CSMD3: variants seen among roughly 807,000 people sequenced by gnomAD.
The protein encoded by CSMD3 is CUB and Sushi multiple domains 3.
Under a neutral mutation model 435.2 loss-of-function variants are expected in CSMD3, and 177 were observed. The observed-to-expected ratio is 0.41, with a 90% CI of 0.36 to 0.46. CSMD3 has a LOEUF of 0.46. Among genes scored for constraint, CSMD3 ranks in the 20% least tolerant of loss-of-function variants. The probability of loss-of-function intolerance (pLI) is 0.34; values close to 1 mark genes in which losing one functional copy is unlikely to be tolerated. For missense variants in CSMD3, 4,265 were observed against 4,504.6 expected, an observed-to-expected ratio of 0.95 and a Z score of 1.52; for synonymous variants, 1,656 against 1,520.5, an observed-to-expected ratio of 1.09 and a Z score of -2.07.
chr8:112,913,447 T>A (rs2082484477), intron 10 of CSMD3, among the ~76,000 whole-genome samples: 1 of 151,936 alleles, frequency 6.6e-6, no homozygotes, highest in Non-Finnish European at 1.5e-5. Flanking sequence ...TTCCTTACAG[T>A]CCACAGACCA....
intron 1 of CSMD3, among the ~76,000 whole-genome samples, chr8:113,425,037 C>G (rs942515172): frequency 6.6e-6 from 1 of 151,456 alleles, no homozygotes; most frequent in African/African-American, 2.4e-5. Flanking sequence ...AGAGCTTCAT[C>G]CCTATATTCT....
In CSMD3 at chr8:112,943,937, G is replaced by A. The variant is rs186669190; in HGVS notation, c.1508+3853C>T. Among the ~76,000 whole-genome samples, 179 of 151,630 alleles carry A rather than the reference G, an allele frequency of 1.2e-3. 1 individual carries two copies. Among genetic ancestry groups the A allele is most frequent in the African/African-American group, 4.2e-3 (175 of 41,462 alleles). ...TTACTAGCAAGTTCCCAAATGCACT[G>A]AGTTTATCATACTTTTGCACAATCC... is the stretch of plus-strand genomic sequence containing the variant. On this transcript the variant is annotated intron_variant, in intron 9 of 70. Coordinates refer to ENST00000297405, the MANE Select transcript of CSMD3 (RefSeq NM_198123.2).
intron 7 of CSMD3, among the ~76,000 whole-genome samples, chr8:112,970,715 G>C (rs936547119): frequency 6.7e-5 from 10 of 148,966 alleles, no homozygotes; most frequent in Admixed American, 5.3e-4. Context: ...AATTCAGCTT[G>C]CTTTCTTTTC....
At chr8:112,526,450 A>T (rs1471619192) in intron 27 of CSMD3, among the ~76,000 whole-genome samples, 1 of 151,950 alleles carries the variant, frequency 6.6e-6, no homozygotes, top group Admixed American at 6.6e-5. Flanking sequence ...CACACCACTT[A>T]GTTCAATTAT....
At chr8:112,416,603 T>A (rs562795008) in intron 32 of CSMD3, among the ~76,000 whole-genome samples, 179 of 152,304 alleles carry the variant, frequency 1.2e-3, no homozygotes, top group Admixed American at 4.0e-3. Context: ...TATATAGAGG[T>A]TCACTGATTT....
chr8:112,674,539 T>C (rs2075730297), intron 16 of CSMD3, among the ~76,000 whole-genome samples: 1 of 152,140 alleles, frequency 6.6e-6, no homozygotes, highest in Non-Finnish European at 1.5e-5. Flanking sequence ...GCACACCCTA[T>C]AACTCTGTTG....
chr8:112,660,091 C>A (rs540520784), intron 17 of CSMD3, among the ~76,000 whole-genome samples: 3 of 152,178 alleles, frequency 2.0e-5, no homozygotes, highest in African/African-American at 7.2e-5. Flanking sequence ...GAACCAGCTT[C>A]TTCAAGAATA....
chr8:112,517,916 T>G (rs537792801), intron 27 of CSMD3, among the ~76,000 whole-genome samples: 1 of 152,218 alleles, frequency 6.6e-6, no homozygotes, highest in South Asian at 2.1e-4. Context: ...CTCTTGAACA[T>G]TTATCCAAAA....
intron 28 of CSMD3, among the ~76,000 whole-genome samples, chr8:112,508,199 T>C (rs546788454): frequency 1.3e-5 from 2 of 152,112 alleles, no homozygotes; most frequent in African/African-American, 4.8e-5. Flanking sequence ...CACGCTCAGG[T>C]TTCTTTCATC....
chr8:113,414,924 C>T (rs1185410909), intron 1 of CSMD3, among the ~76,000 whole-genome samples: 4 of 152,078 alleles, frequency 2.6e-5, no homozygotes, highest in Non-Finnish European at 5.9e-5. Context: ...TGAGATTGTG[C>T]CACTGCGCTC....
At chr8:112,680,165 G>A (rs1296215755) in intron 16 of CSMD3, among the ~76,000 whole-genome samples, 1 of 152,138 alleles carries the variant, frequency 6.6e-6, no homozygotes, top group Non-Finnish European at 1.5e-5. Context: ...GACCAGCCTG[G>A]CCAACATGGT....
intron 5 of CSMD3, among the ~76,000 whole-genome samples, chr8:113,080,367 C>T (rs560063748): frequency 1.3e-5 from 2 of 152,248 alleles, no homozygotes; most frequent in South Asian, 2.1e-4. Flanking sequence ...GATGTAACTA[C>T]TGAAGCTATG....
intron 22 of CSMD3, among the ~76,000 whole-genome samples, chr8:112,631,868 T>G (rs1366112062): frequency 6.6e-6 from 1 of 151,930 alleles, no homozygotes; most frequent in Non-Finnish European, 1.5e-5. Flanking sequence ...ATATAGAAAA[T>G]TAAGGCATTT....
intron 9 of CSMD3, among the ~76,000 whole-genome samples, chr8:112,931,836 T>C (rs2083119195): frequency 6.6e-6 from 1 of 152,102 alleles, no homozygotes; most frequent in African/African-American, 2.4e-5. Flanking sequence ...CAAACACGTA[T>C]ATGAAAAATG....
chr8:113,000,780 AATGTCAACTATGACTCCAGCTTAG>A (rs1338877244), intron 6 of CSMD3, among the ~76,000 whole-genome samples: 1 of 151,966 alleles, frequency 6.6e-6, no homozygotes, highest in East Asian at 1.9e-4. Context: ...TTCTGGGCTA[AATGTCAACTATGACTCCAGCTTAG>A]AACTTCTCAT....
intron 32 of CSMD3, among the ~76,000 whole-genome samples, chr8:112,431,366 TATAAAAAATAGGTG>T (rs907297754): frequency 3.0e-4 from 45 of 152,246 alleles, no homozygotes; most frequent in African/African-American, 1.1e-3. Context: ...TGACTGGCAA[TATAAAAAATAGGTG>T]ATAAAAAATA....
chr8:113,163,080 T>G (rs932865638), intron 4 of CSMD3, among the ~76,000 whole-genome samples: 3 of 152,148 alleles, frequency 2.0e-5, no homozygotes, highest in Non-Finnish European at 4.4e-5. Context: ...CAATAGATAT[T>G]TGTTAAAATA....
chr8:113,233,052 C>T (rs548697929), intron 3 of CSMD3, among the ~76,000 whole-genome samples: 1 of 151,858 alleles, frequency 6.6e-6, no homozygotes, highest in East Asian at 1.9e-4. Context: ...CTCACAATTT[C>T]TTAATTTGTT....
intron 22 of CSMD3, among the ~76,000 whole-genome samples, chr8:112,603,162 G>T (rs1396939501): frequency 6.6e-6 from 1 of 152,240 alleles, no homozygotes; most frequent in East Asian, 1.9e-4. Context: ...GCAGGCGTAA[G>T]CCACTGCATC....
Sources: gnomAD v4.1 joint callset for allele counts (sites outside exome capture counted in the v4.1 genomes callset) on GRCh38, gnomAD v4.1.1 for gene constraint, MANE v1.5 for transcripts, NCBI Gene and HGNC (gene_info 2026-07-23, HGNC 2026-07-21) for gene names.